PRRT1B: variants seen among roughly 807,000 people sequenced by gnomAD.
The protein encoded by PRRT1B is dispanin subfamily D member 2.
intron 1 of PRRT1B, among the ~76,000 whole-genome samples, chr9:131,546,732 GCCTGAGAA>G (rs1444192966): frequency 6.6e-6 from 1 of 151,904 alleles, no homozygotes; most frequent in Non-Finnish European, 1.5e-5. Context: ...GGTGTCAAGA[GCCTGAGAA>G]CCTGAGAACC....
chr9:131,555,681 TAAAAAC>T (rs1270742136), intron 2 of PRRT1B, among the ~76,000 whole-genome samples: 4 of 151,306 alleles, frequency 2.6e-5, no homozygotes, highest in Non-Finnish European at 5.9e-5. Context: ...GCCTCCAAAA[TAAAAAC>T]AAAAATAAAA....
chr9:131,558,547 T>C (rs1010152509), exon 4 of PRRT1B: 6 of 202,748 alleles, frequency 3.0e-5, no homozygotes, highest in Non-Finnish European at 5.9e-5. Flanking sequence ...ATCTGTGCTC[T>C]TGGGAGGCCA....
chr9:131,548,383 G>T (rs113613764), intron 1 of PRRT1B, among the ~76,000 whole-genome samples: 1 of 151,720 alleles, frequency 6.6e-6, no homozygotes, highest in Admixed American at 6.6e-5. Context: ...TTTAACTCTC[G>T]CCTGACCTAA....
At chr9:131,546,103 C>T (rs1950972833) in intron 1 of PRRT1B, among the ~76,000 whole-genome samples, 2 of 152,130 alleles carry the variant, frequency 1.3e-5, no homozygotes, top group African/African-American at 4.8e-5. Flanking sequence ...ATTCTCTGAG[C>T]ATTTTGCCCA....
At chr9:131,558,056 C>T (rs1015424512) in exon 4 of PRRT1B, 8 of 399,536 alleles carry the variant, frequency 2.0e-5, no homozygotes, top group African/African-American at 8.2e-5. Flanking sequence ...GTTGCAGGCC[C>T]GTGCAGCACT....
At chr9:131,556,473 A>C (rs1588552110) in intron 3 of PRRT1B, among the ~76,000 whole-genome samples, 3 of 152,158 alleles carry the variant, frequency 2.0e-5, no homozygotes, top group Admixed American at 1.3e-4. Context: ...GATAAGACCC[A>C]ATGTGCTGCC....
At chr9:131,555,313 G>C (rs1490714414) in intron 2 of PRRT1B, among the ~76,000 whole-genome samples, 1 of 151,980 alleles carries the variant, frequency 6.6e-6, no homozygotes, top group Admixed American at 6.5e-5. Context: ...AGGGAGGGCA[G>C]GAAGGTGGAA....
intron 1 of PRRT1B, among the ~76,000 whole-genome samples, chr9:131,553,936 G>C (rs890445483): frequency 1.6e-4 from 24 of 152,212 alleles, no homozygotes; most frequent in Non-Finnish European, 2.9e-5. Flanking sequence ...GCCAGGGCCT[G>C]GGTCGGGAGC....
chr9:131,546,762 C>T (rs1286978614), intron 1 of PRRT1B, among the ~76,000 whole-genome samples: 3 of 152,170 alleles, frequency 2.0e-5, no homozygotes, highest in Non-Finnish European at 4.4e-5. Context: ...ACCCGAGGCC[C>T]CCGCCAGGCA....
exon 2 of PRRT1B, chr9:131,554,933 T>TGCGCTCTTCCCGCCGCCC (rs989706783): frequency 2.6e-5 from 10 of 386,874 alleles, no homozygotes; most frequent in African/African-American, 2.1e-5. Context: ...CCGCGCCGTC[T>TGCGCTCTTCCCGCCGCCC]GCGCTCTTCC....
chr9:131,555,826 A>T (rs914242419), intron 2 of PRRT1B, among the ~76,000 whole-genome samples: 2 of 152,184 alleles, frequency 1.3e-5, no homozygotes, highest in African/African-American at 4.8e-5. Flanking sequence ...GACTGAGCCA[A>T]TGGTAGAGGG....
chr9:131,548,817 AC>A (rs1203365933), intron 1 of PRRT1B, among the ~76,000 whole-genome samples: 1 of 151,180 alleles, frequency 6.6e-6, no homozygotes, highest in East Asian at 1.9e-4. Flanking sequence ...CCCTCCTCAC[AC>A]CCGGTCTGGC....
intron 2 of PRRT1B, among the ~76,000 whole-genome samples, chr9:131,555,317 G>A (rs1443452085): frequency 1.3e-5 from 2 of 151,894 alleles, no homozygotes; most frequent in African/African-American, 4.9e-5. Flanking sequence ...AGGGCAGGAA[G>A]GTGGAACCCG....
At position 131,551,746 on chromosome 9, in the gene PRRT1B, T is replaced by C. The variant is rs55677818; in HGVS notation, c.26-2811T>C. ...CCACTGAGCACCTTGTGACCCCCAC[T>C]CCTGCCCACCAGAGAACAACCCCCT... On this transcript the variant is annotated intron_variant, in intron 1 of 3. Coordinates refer to ENST00000636672, the Ensembl canonical transcript of PRRT1B. The surrounding 1 kb of genome is among the most constrained non-coding windows in gnomAD (Gnocchi z 4.4). Among the ~76,000 whole-genome samples, 85,698 of 150,762 alleles carry C rather than the reference T, an allele frequency of 0.57. 24,790 individuals are homozygous for C. The highest frequency in any genetic ancestry group is 0.68 in the African/African-American group (27,705 of 40,920).
downstream of PRRT1B, among the ~76,000 whole-genome samples, chr9:131,559,597 C>T (rs1293419424): frequency 6.6e-6 from 1 of 152,226 alleles, no homozygotes; most frequent in African/African-American, 2.4e-5. Context: ...TGGCCCAGCC[C>T]AGCCCAGTCC....
At chr9:131,558,550 G>A in exon 4 of PRRT1B, 1 of 197,208 alleles carries the variant, frequency 5.1e-6, no homozygotes, top group Non-Finnish European at 1.0e-5. Flanking sequence ...TGTGCTCTTG[G>A]GAGGCCATCG....
chr9:131,558,908 C>T (rs1217248980), downstream of PRRT1B, among the ~76,000 whole-genome samples: 1 of 152,240 alleles, frequency 6.6e-6, no homozygotes, highest in Non-Finnish European at 1.5e-5. Context: ...GGCTCCAGGG[C>T]ACCCTACCCA....
intron 1 of PRRT1B, among the ~76,000 whole-genome samples, chr9:131,553,941 G>C (rs1033062524): frequency 6.6e-6 from 1 of 152,198 alleles, no homozygotes; most frequent in African/African-American, 2.4e-5. Flanking sequence ...GGCCTGGGTC[G>C]GGAGCAAGGC....
chr9:131,554,600 CCCCCGGAG>C lies in PRRT1B; in HGVS notation c.75_82del (p.Ser26GlufsTer195), dbSNP rs1175914540. 2.5e-6 allele frequency: 1 copy of C among 395,812 alleles called. No homozygotes were observed. The highest frequency in any genetic ancestry group is 4.5e-6 in the Non-Finnish European group (1 of 224,252). The allele number at this position is 395,812 out of a possible 1,614,324, so 24.5% of individuals were successfully genotyped here. A position where few individuals can be genotyped will look rare whatever the true frequency, so the allele number is the denominator to read the frequency against. On this transcript the variant is annotated frameshift_variant, in exon 2 of 4. Transcript: ENST00000636672. LOFTEE classifies it high-confidence loss of function. ...GCGGCAGCCCCGCCACCCCCGAGGA[CCCCCGGAG>C]CCCCGCGAAGCCCGCCGCCCCCGAG...
Sources: gnomAD v4.1 joint callset for allele counts (sites outside exome capture counted in the v4.1 genomes callset) on GRCh38, gnomAD v4.1.1 for gene constraint, Gnocchi (gnomAD v3.1) non-coding constraint, MANE v1.5 for transcripts, NCBI Gene and HGNC (gene_info 2026-07-23, HGNC 2026-07-21) for gene names.